The following C1QTNF8 variants were observed in gnomAD, a reference collection of about 807,000 sequenced individuals.
C1QTNF8 encodes complement C1q tumor necrosis factor-related protein 8.
In C1QTNF8, 27 loss-of-function variants were observed where a neutral mutation model predicts 19.2. The observed-to-expected ratio is 1.41, with a 90% confidence interval of 1.04 to 1.94. The LOEUF is 1.94. Among genes scored for constraint, C1QTNF8 ranks in the 30% most tolerant of loss-of-function variants. The pLI is 0.00. For synonymous variants in C1QTNF8, 208 were observed against 172.8 expected (o/e 1.20, Z -1.60); for missense variants, 484 against 374.4 (o/e 1.29, Z -2.42).
intron 3 of C1QTNF8, 30 bp from the exon 4 acceptor site, chr16:1,094,081 G>C (rs758979477): frequency 7.1e-7 from 1 of 1,402,602 alleles, no homozygotes; most frequent in Non-Finnish European, 9.2e-7. Flanking sequence ...GCCACGGGTC[G>C]GGGCCGGGCT....
chr16:1,094,062 C>G lies in C1QTNF8; in HGVS notation c.209-11G>C. The G allele has an allele frequency of 7.0e-7, 1 of 1,433,476 alleles. No homozygotes were observed. Among genetic ancestry groups the G allele is most frequent in the Non-Finnish European group, 9.0e-7 (1 of 1,106,368 alleles). The allele number at this position is 1,433,476 out of a possible 1,614,324, so 88.8% of individuals were successfully genotyped here. ...CCTCACCCTTCTCACCTGCAGGGGACAAACGAAAGCCACGGGTCGGGGCCG... is the reference window on the plus strand; with the variant it reads ...CCTCACCCTTCTCACCTGCAGGGGAGAAACGAAAGCCACGGGTCGGGGCCG... On this transcript the variant is annotated splice_polypyrimidine_tract_variant and intron_variant, in intron 3 of 4. Transcript: ENST00000328449.
chr16:1,089,184 C>T lies in C1QTNF8; in HGVS notation c.*1415G>A, dbSNP rs1463094032. Among the ~76,000 whole-genome samples, 8 of 152,124 alleles carry T rather than the reference C, an allele frequency of 5.3e-5. No individual in the cohort carries two copies. The highest frequency in any genetic ancestry group is 1.4e-4 in the African/African-American group (6 of 41,412). On this transcript the variant is annotated 3_prime_UTR_variant, in exon 5 of 5. Transcript: ENST00000328449. ...CAGCCTGCGAGAGGAGATGTCCTCC[C>T]TGGCCCTGGGGTGGTCCGGACCCCT...
intron 4 of C1QTNF8, among the ~76,000 whole-genome samples, chr16:1,092,407 C>T (rs1033136141): frequency 1.3e-5 from 2 of 148,398 alleles, no homozygotes; most frequent in Non-Finnish European, 3.0e-5. Flanking sequence ...AGTCGGCGCT[C>T]AATCAATCAC....
chr16:1,095,377 C>G (rs1388660858), intron 2 of C1QTNF8, among the ~76,000 whole-genome samples: 1 of 152,200 alleles, frequency 6.6e-6, no homozygotes, highest in Non-Finnish European at 1.5e-5. Flanking sequence ...CTGCACAGTG[C>G]ACAGAGGCAC....
At position 1,089,325 on chromosome 16, in the gene C1QTNF8, C is replaced by T. The variant is rs1044933697; in HGVS notation, c.*1274G>A. Among the ~76,000 whole-genome samples, 2 of 152,138 alleles carry T rather than the reference C, an allele frequency of 1.3e-5. No individual in the cohort carries two copies. Among genetic ancestry groups the T allele is most frequent in the Admixed American group, 6.5e-5 (1 of 15,282 alleles). ...CCCCCACCTCTGGTTCTTCAAGCAC[C>T]TGCCACACTTGACCCCAACAGGCTC... On this transcript the variant is annotated 3_prime_UTR_variant, in exon 5 of 5. Coordinates refer to ENST00000328449, the MANE Select transcript of C1QTNF8 (RefSeq NM_207419.3).
At chr16:1,092,310 C>T (rs117507555) in intron 4 of C1QTNF8, among the ~76,000 whole-genome samples, 2,120 of 152,170 alleles carry the variant, frequency 0.014, 22 homozygotes, top group Middle Eastern at 0.031. Context: ...AGTCCCTGCA[C>T]ACAGTCGGCG....
rs1555492668 is a variant in C1QTNF8 at position 1,093,456 on chromosome 16, A to ACACACGCG, written c.*4+40_*4+41insCGCGTGTG. 1.7e-5 allele frequency: 20 copies of ACACACGCG among 1,159,894 alleles called. 2 individuals are homozygous for ACACACGCG. The African/African-American group carries it at 2.7e-4, about 16-fold the overall frequency. 71.9% of individuals were successfully genotyped at this position (1,159,894 alleles called of 1,614,324 possible). ...CACACACACACAGACACACACACAC[A>ACACACGCG]CGCGCGCGCGCGCCCGGTGCTCAGC... is the stretch of plus-strand genomic sequence containing the variant. On this transcript the variant is annotated intron_variant, in intron 4 of 4. Transcript: ENST00000328449.
Position 1,088,368 on chromosome 16 carries a change from C to T in C1QTNF8, c.*2231G>A, listed in dbSNP as rs147165373. Among the ~76,000 whole-genome samples, 123 of 152,338 alleles carry T rather than the reference C, an allele frequency of 8.1e-4. No homozygotes were observed. The highest frequency in any genetic ancestry group is 2.9e-3 in the African/African-American group (120 of 41,576). ...CCGCGTTCCCCAGTCCCTTCCTGTG[C>T]GGTTGACTCATGATTAAAGCCAGCA... On this transcript the variant is annotated 3_prime_UTR_variant, in exon 5 of 5. Coordinates refer to ENST00000328449, the MANE Select transcript of C1QTNF8 (RefSeq NM_207419.3).
chr16:1,088,796 C>CTGA lies in C1QTNF8; in HGVS notation c.*1802_*1803insTCA, dbSNP rs1226052095. Among the ~76,000 whole-genome samples the CTGA allele has an allele frequency of 2.6e-5, 4 of 151,994 alleles. No individual in the cohort carries two copies. The highest frequency in any genetic ancestry group is 9.7e-5 in the African/African-American group (4 of 41,394). ...CTGCCCGCCTGACCCCTGCTGCAGC[C>CTGA]CGACCCCTGCCCGCCTGACCCCTGC... On this transcript the variant is annotated 3_prime_UTR_variant, in exon 5 of 5. Coordinates refer to ENST00000328449, the MANE Select transcript of C1QTNF8 (RefSeq NM_207419.3).
At chr16:1,091,576 C>T (rs533021035) in intron 4 of C1QTNF8, among the ~76,000 whole-genome samples, 48 of 152,248 alleles carry the variant, frequency 3.2e-4, no homozygotes, top group Non-Finnish European at 5.9e-4. Flanking sequence ...CTGGAGGGAC[C>T]GACCCACCCA....
At chr16:1,094,193 G>A (rs1024277711) in intron 3 of C1QTNF8, 142 bp from the exon 4 acceptor site, 5 of 659,100 alleles carry the variant, frequency 7.6e-6, no homozygotes, top group African/African-American at 1.9e-5. Flanking sequence ...CCCAGTCTCC[G>A]CGTCCACGTC....
Position 1,094,724 on chromosome 16 carries a change from T to A in C1QTNF8, c.199A>T (p.Ile67Phe). 1 of 1,591,430 alleles carries A rather than the reference T, an allele frequency of 6.3e-7. No homozygotes were observed. Among genetic ancestry groups the A allele is most frequent in the Non-Finnish European group, 8.5e-7 (1 of 1,169,936 alleles). Reference protein sequence around the residue: ...PRVRPTIDIEILKGEKGEAGV... With the variant: ...PRVRPTIDIEFLKGEKGEAGV... ...CACCCACGGGCCTCACCTTTGAGGATTTCGATGTCTATAGTGGGCCGTACT... is the reference window on the plus strand; with the variant it reads ...CACCCACGGGCCTCACCTTTGAGGAATTCGATGTCTATAGTGGGCCGTACT... The change falls in exon 3 of 5, where the codon ATC (isoleucine) becomes TTC (phenylalanine). Residue 67 changes from isoleucine (I) to phenylalanine (F), a missense_variant. Ile to Phe is a conservative substitution (Grantham distance 21). Transcript: ENST00000328449.
At position 1,095,632 on chromosome 16, in the gene C1QTNF8, C is replaced by T. The variant is rs902611250; in HGVS notation, c.-29G>A. The T allele has an allele frequency of 6.6e-6, 1 of 152,290 alleles. No homozygotes were observed. Among genetic ancestry groups the T allele is most frequent in the African/African-American group, 2.4e-5 (1 of 41,458 alleles). 9.4% of individuals were successfully genotyped at this position (152,290 alleles called of 1,614,324 possible). A position where few individuals can be genotyped will look rare whatever the true frequency, so the allele number is the denominator to read the frequency against. On this transcript the variant is annotated 5_prime_UTR_variant, in exon 2 of 5. It introduces an in-frame stop codon into an upstream open reading frame of the 5' UTR. Transcript: ENST00000328449. ...TTGCCTACCCCACTCCCCTCACAGC[C>T]ACATCTGGAGGCTTGGCCAGGAGTG...
Position 1,088,795 on chromosome 16 carries a change from C to G in C1QTNF8, c.*1804G>C, listed in dbSNP as rs2473460. Among the ~76,000 whole-genome samples, 281 of 29,268 alleles carry G rather than the reference C, an allele frequency of 9.6e-3. 2 individuals are homozygous for G. The highest frequency in any genetic ancestry group is 0.039 in the Admixed American group (136 of 3,456). The allele number at this position is 29,268 out of a possible 152,430, so 19.2% of individuals were successfully genotyped here. A position where few individuals can be genotyped will look rare whatever the true frequency, so the allele number is the denominator to read the frequency against. On this transcript the variant is annotated 3_prime_UTR_variant, in exon 5 of 5. Coordinates refer to ENST00000328449, the MANE Select transcript of C1QTNF8 (RefSeq NM_207419.3). ...CCTGCCCGCCTGACCCCTGCTGCAGCCCGACCCCTGCCCGCCTGACCCCTG... is the reference window on the plus strand; with the variant it reads ...CCTGCCCGCCTGACCCCTGCTGCAGGCCGACCCCTGCCCGCCTGACCCCTG...
chr16:1,092,032 G>A (rs925170156), intron 4 of C1QTNF8, among the ~76,000 whole-genome samples: 1 of 152,224 alleles, frequency 6.6e-6, no homozygotes, highest in South Asian at 2.1e-4. Flanking sequence ...CCCCTCGGCC[G>A]TGAGGGCGAG....
Position 1,094,742 on chromosome 16 carries a change from G to C in C1QTNF8, c.181C>G (p.Pro61Ala), listed in dbSNP as rs1596245057. 6.4e-7 allele frequency: 1 copy of C among 1,573,146 alleles called. No individual in the cohort carries two copies. Among genetic ancestry groups the C allele is most frequent in the South Asian group, 1.2e-5 (1 of 86,178 alleles). ...TTGAGGATTTCGATGTCTATAGTGG[G>C]CCGTACTCGAGGCAGCCCCCTCCAC... ...DLWRGLPRVRPTIDIEILKGE... is the reference protein window; with the variant it reads ...DLWRGLPRVRATIDIEILKGE... The change falls in exon 3 of 5, where the codon CCC becomes GCC. Residue 61 changes from proline to alanine, a missense_variant. Pro to Ala is a conservative substitution (Grantham distance 27, BLOSUM62 -1). Coordinates refer to ENST00000328449, the MANE Select transcript of C1QTNF8 (RefSeq NM_207419.3).
rs1960481064 is a variant in C1QTNF8 at position 1,088,528 on chromosome 16, C to T, written c.*2071G>A. 6.6e-6 allele frequency among the ~76,000 whole-genome samples: 1 copy of T among 152,228 alleles called. No individual in the cohort carries two copies. Among genetic ancestry groups the T allele is most frequent in the Non-Finnish European group, 1.5e-5 (1 of 68,040 alleles). On this transcript the variant is annotated 3_prime_UTR_variant, in exon 5 of 5. Coordinates refer to ENST00000328449, the MANE Select transcript of C1QTNF8 (RefSeq NM_207419.3). ...CTACCAAGCATCCCTCTTTCCGCTC[C>T]CACCTGGCACTGGCAGCGTCCCTCA...
rs1567392755 is a variant in C1QTNF8, at chr16:1,093,454, ACACG to A, written c.*4+39_*4+42del. ...CACACACACACACAGACACACACAC[ACACG>A]CGCGCGCGCGCCCGGTGCTCAGCCG... is the stretch of plus-strand genomic sequence containing the variant. On this transcript the variant is annotated intron_variant, in intron 4 of 4. Transcript: ENST00000328449. The A allele has an allele frequency of 6.6e-6, 8 of 1,208,106 alleles. No homozygotes were observed. The African/African-American group carries it at 1.0e-4, about 15-fold the overall frequency. 74.8% of individuals were successfully genotyped at this position (1,208,106 alleles called of 1,614,324 possible).
In C1QTNF8 at chr16:1,088,585, G is replaced by A. The variant is rs570105790; in HGVS notation, c.*2014C>T. ...TATCACTTGGCAGAGAATCGTGACC[G>A]TATCTTATCTCACTTTCAGTTCTCA... On this transcript the variant is annotated 3_prime_UTR_variant, in exon 5 of 5. Coordinates refer to ENST00000328449, the MANE Select transcript of C1QTNF8 (RefSeq NM_207419.3). 1.3e-4 allele frequency among the ~76,000 whole-genome samples: 20 copies of A among 152,276 alleles called. No homozygotes were observed. In the East Asian group the frequency reaches 2.5e-3, roughly 19 times the overall value.
Sources: allele counts gnomAD v4.1 joint callset (sites outside exome capture counted in the v4.1 genomes callset), GRCh38; gene constraint gnomAD v4.1.1; transcripts MANE v1.5; gene names NCBI Gene and HGNC (gene_info 2026-07-23, HGNC 2026-07-21).